Variants in F2 observed in about 807,000 individuals in gnomAD.
F2 encodes the protein coagulation factor II, thrombin, also known as prothrombin.
F2 carries 34 observed loss-of-function variants against 81.9 expected under a neutral mutation model. The observed-to-expected ratio is 0.42, with a 90% CI of 0.32 to 0.55. The LOEUF is 0.55. Ranked by LOEUF, F2 falls within the 20% of genes least tolerant of loss-of-function variation. The pLI is 0.18. For missense variants in F2, 630 were observed against 833.4 expected, an observed-to-expected ratio of 0.76 and a Z score of 3.00; for synonymous variants, 296 against 326.4, an observed-to-expected ratio of 0.91 and a Z score of 1.01.
rs879187678 is a variant in F2, at chr11:46,739,424, C to G, written c.*16C>G. 1 of 1,613,930 alleles carries G rather than the reference C, an allele frequency of 6.2e-7. No individual in the cohort carries two copies. Among genetic ancestry groups the G allele is most frequent in the Non-Finnish European group, 8.5e-7 (1 of 1,179,990 alleles). ...TGGAGAGTAGGGGGCCACTCATATTCTGGGCTCCTGGAACCAATCCCGTGA... is the reference window on the plus strand; with the variant it reads ...TGGAGAGTAGGGGGCCACTCATATTGTGGGCTCCTGGAACCAATCCCGTGA... On this transcript the variant is annotated 3_prime_UTR_variant, in exon 14 of 14. Transcript: ENST00000311907.
intron 13 of F2, 62 bp from the exon 14 acceptor site, chr11:46,739,203 C>T: frequency 1.2e-6 from 2 of 1,613,488 alleles, no homozygotes; most frequent in Non-Finnish European, 8.5e-7. Flanking sequence ...AGTTGCCTGG[C>T]AGGGGAATAC....
intron 12 of F2, among the ~76,000 whole-genome samples, chr11:46,738,496 C>G (rs2064958122): frequency 6.6e-6 from 1 of 151,498 alleles, no homozygotes; most frequent in Non-Finnish European, 1.5e-5. Context: ...TTTTTCGAGA[C>G]AGGGTCTCAC....
chr11:46,738,998 G>A (rs2134547615), intron 12 of F2, 50 bp from the exon 13 acceptor site: 7 of 1,601,502 alleles, frequency 4.4e-6, no homozygotes, highest in African/African-American at 1.3e-5. Flanking sequence ...AAGGGGCGTG[G>A]CTGGGCTATG....
intron 9 of F2, among the ~76,000 whole-genome samples, chr11:46,727,415 C>T (rs1239490854): frequency 6.6e-6 from 1 of 152,158 alleles, no homozygotes; most frequent in Non-Finnish European, 1.5e-5. Context: ...GAATCCAGTT[C>T]TTCTGATTCC....
chr11:46,726,952 TC>T lies in F2; in HGVS notation c.1130+117del. 1 of 1,523,388 alleles carries T rather than the reference TC, an allele frequency of 6.6e-7. No homozygotes were observed. Among genetic ancestry groups the T allele is most frequent in the Middle Eastern group, 1.9e-4 (1 of 5,234 alleles). The allele number at this position is 1,523,388 out of a possible 1,614,324, so 94.4% of individuals were successfully genotyped here. On this transcript the variant is annotated intron_variant, in intron 9 of 13. Coordinates refer to ENST00000311907, the MANE Select transcript of F2 (RefSeq NM_000506.5). The surrounding 1 kb of genome is among the most constrained non-coding windows in gnomAD (Gnocchi z 5.9). ...CTTTACAGATGACAACAGCTGAGCA[TC>T]CAGGATCCCACCAACTCCACACAGC...
rs1024982428 is a variant in F2, at chr11:46,723,869, G to A, written c.559+351G>A. 7.9e-5 allele frequency among the ~76,000 whole-genome samples: 12 copies of A among 151,970 alleles called. No individual in the cohort carries two copies. The highest frequency in any genetic ancestry group is 1.2e-4 in the Non-Finnish European group (8 of 68,000). On this transcript the variant is annotated intron_variant, in intron 6 of 13. Transcript: ENST00000311907. The surrounding 1 kb of genome is among the most constrained non-coding windows in gnomAD (Gnocchi z 5.6). ...CCTGCCACTGTACTTCAGCCTGGGCGACAAGAGCAAAACTCTGTCTCAAAG... is the reference window on the plus strand; with the variant it reads ...CCTGCCACTGTACTTCAGCCTGGGCAACAAGAGCAAAACTCTGTCTCAAAG...
In F2 at chr11:46,739,353, A is replaced by G; in HGVS notation, c.1814A>G (p.His605Arg). Reference sequence around the variant, plus strand: ...GATGGGAAATATGGCTTCTACACACATGTGTTCCGCCTGAAGAAGTGGATA... The same window carrying G: ...GATGGGAAATATGGCTTCTACACACGTGTGTTCCGCCTGAAGAAGTGGATA... ...DRDGKYGFYT[H>R]VFRLKKWIQK... Residue 605 changes from histidine (H) to arginine (R), a missense_variant, in exon 14 of 14, where the codon CAT (histidine) becomes CGT (arginine). Coordinates refer to ENST00000311907, the MANE Select transcript of F2 (RefSeq NM_000506.5). 1 of 1,614,074 alleles carries G rather than the reference A, an allele frequency of 6.2e-7. No individual in the cohort carries two copies. Among genetic ancestry groups the G allele is most frequent in the Non-Finnish European group, 8.5e-7 (1 of 1,179,950 alleles).
At chr11:46,736,242 T>C (rs2064943844) in intron 12 of F2, among the ~76,000 whole-genome samples, 1 of 152,140 alleles carries the variant, frequency 6.6e-6, no homozygotes, top group Non-Finnish European at 1.5e-5. Context: ...AACTAGTGAT[T>C]TGAGATTTCA....
At chr11:46,725,209 C>G (rs1035394967) in intron 6 of F2, among the ~76,000 whole-genome samples, 1 of 151,168 alleles carries the variant, frequency 6.6e-6, no homozygotes, top group African/African-American at 2.4e-5. Context: ...GCTGGGATTA[C>G]AGGCACACGC....
intron 12 of F2, among the ~76,000 whole-genome samples, chr11:46,737,151 CTT>C (rs1271148259): frequency 6.6e-6 from 1 of 151,128 alleles, no homozygotes; most frequent in Non-Finnish European, 1.5e-5. Context: ...TATTATTTTT[CTT>C]TTTTTTGAGA....
rs199558597 is a variant in F2 at position 46,726,113 on chromosome 11, G to A, written c.814G>A (p.Val272Met). 1.1e-5 allele frequency: 18 copies of A among 1,614,066 alleles called. No homozygotes were observed. Among genetic ancestry groups the A allele is most frequent in the Middle Eastern group, 1.6e-4 (1 of 6,084 alleles). Reference protein sequence around the residue: ...CRNPDGDEEGVWCYVAGKPGD... With the variant: ...CRNPDGDEEGMWCYVAGKPGD... ...CAACCCAGACGGGGATGAGGAGGGC[G>A]TGTGGTGCTATGTGGCCGGGAAGCC... Residue 272 changes from valine to methionine, a missense_variant, in exon 7 of 14, where the codon GTG becomes ATG. Val to Met is a conservative substitution (Grantham distance 21). Transcript: ENST00000311907. This position sits in a 1 kb window ranked among gnomAD's most constrained non-coding sequence, Gnocchi z 5.9.
chr11:46,733,503 T>C (rs2064926177), intron 12 of F2, among the ~76,000 whole-genome samples: 1 of 152,100 alleles, frequency 6.6e-6, no homozygotes, highest in Admixed American at 6.6e-5. Flanking sequence ...ATGCCTGGCC[T>C]CTCCTAGTAA....
In F2 at chr11:46,726,455, G is replaced by A; in HGVS notation, c.875-43G>A. 1 of 1,600,148 alleles carries A rather than the reference G, an allele frequency of 6.2e-7. No individual in the cohort carries two copies. The highest frequency in any genetic ancestry group is 8.5e-7 in the Non-Finnish European group (1 of 1,173,708). ...TGGGGGGATCTAGGGGATGGGTGAG[G>A]AATGGCCCAGCCCAGTCCCAGCCGG... On this transcript the variant is annotated intron_variant, in intron 7 of 13. Coordinates refer to ENST00000311907, the MANE Select transcript of F2 (RefSeq NM_000506.5). The surrounding 1 kb of genome is among the most constrained non-coding windows in gnomAD (Gnocchi z 5.9).
chr11:46,730,023 GAGAAC>G (rs1207284073), intron 12 of F2, among the ~76,000 whole-genome samples: 1 of 152,134 alleles, frequency 6.6e-6, no homozygotes, highest in African/African-American at 2.4e-5. Context: ...CACAGGGAGA[GAGAAC>G]GGCTGATGAA....
Position 46,719,730 on chromosome 11 carries a change from G to T in F2, c.108G>T (p.Ser36=). 1 of 1,594,960 alleles carries T rather than the reference G, an allele frequency of 6.3e-7. No individual in the cohort carries two copies. ...HVFLAPQQAR[S]LLQRVRRANT... is the part of the protein sequence containing the mutation. ...TCCTGGCTCCTCAGCAAGCACGGTC[G>T]CTGCTCCAGCGGGTCCGGCGAGCCA... The change falls in exon 2 of 14, where the codon TCG becomes TCT. Residue 36 remains serine, a synonymous_variant. Coordinates refer to ENST00000311907, the MANE Select transcript of F2 (RefSeq NM_000506.5). The surrounding 1 kb of genome is among the most constrained non-coding windows in gnomAD (Gnocchi z 4.7).
intron 6 of F2, among the ~76,000 whole-genome samples, chr11:46,725,546 C>T (rs2064866418): frequency 6.6e-6 from 1 of 152,214 alleles, no homozygotes; most frequent in African/African-American, 2.4e-5. Flanking sequence ...GCTATAAAAA[C>T]ATGACTCCTC....
In F2 at chr11:46,721,051, GT is replaced by G. The variant is rs879346392; in HGVS notation, c.316+222del. ...TGAATGAATGGACTAATGAATTAAT[GT>G]TTTTTTTTTTGAGACAGAGTCTCGC... On this transcript the variant is annotated intron_variant, in intron 4 of 13. Transcript: ENST00000311907. 3.3e-4 allele frequency among the ~76,000 whole-genome samples: 49 copies of G among 147,416 alleles called. No individual in the cohort carries two copies. In the East Asian group the frequency reaches 4.0e-3, roughly 12 times the overall value.
Position 46,728,229 on chromosome 11 carries a change from C to T in F2, c.1298+66C>T. ...AGTCCTCCAAAGCGATCATGAGGGG[C>T]CCTGGTGGCTCCGGGACACATAGGA... On this transcript the variant is annotated intron_variant, in intron 10 of 13. Coordinates refer to ENST00000311907, the MANE Select transcript of F2 (RefSeq NM_000506.5). The surrounding 1 kb of genome is among the most constrained non-coding windows in gnomAD (Gnocchi z 5.1). 1 of 1,519,826 alleles carries T rather than the reference C, an allele frequency of 6.6e-7. No individual in the cohort carries two copies. The highest frequency in any genetic ancestry group is 9.0e-7 in the Non-Finnish European group (1 of 1,112,026). 94.1% of individuals were successfully genotyped at this position (1,519,826 alleles called of 1,614,324 possible).
At chr11:46,731,838 C>T (rs537438501) in intron 12 of F2, among the ~76,000 whole-genome samples, 2 of 151,244 alleles carry the variant, frequency 1.3e-5, no homozygotes, top group East Asian at 3.9e-4. Flanking sequence ...AAGGCAATGT[C>T]TGCCAAGTTT....
Sources: gnomAD v4.1 joint callset for allele counts (sites outside exome capture counted in the v4.1 genomes callset) on GRCh38, gnomAD v4.1.1 for gene constraint, Gnocchi (gnomAD v3.1) non-coding constraint, MANE v1.5 for transcripts, NCBI Gene and HGNC (gene_info 2026-07-23, HGNC 2026-07-21) for gene names.